NUP107: variants seen among roughly 807,000 people sequenced by gnomAD.
NUP107 encodes the protein nucleoporin 107, also known as nuclear pore complex protein Nup107.
In NUP107, 101 loss-of-function variants were observed where a neutral mutation model predicts 141.0. The ratio of observed to expected loss-of-function variants is 0.72; its 90% confidence interval spans 0.61 to 0.84. The LOEUF (loss-of-function observed/expected upper bound fraction) is 0.84, where lower values mean the gene tolerates loss of function less well. Among genes scored for constraint, NUP107 ranks in the 40% least tolerant of loss-of-function variants. The pLI, the probability that NUP107 is intolerant of heterozygous loss-of-function variation, is 0.00. For synonymous variants in NUP107, 319 were observed against 363.9 expected (o/e 0.88, Z 1.41); for missense variants, 941 against 1,102.7 (o/e 0.85, Z 2.08).
At chr12:68,706,130 G>T in intron 8 of NUP107, 1 of 767,088 alleles carries the variant, frequency 1.3e-6, no homozygotes. Flanking sequence ...GGTGGAACTT[G>T]ATAACATGCA....
intron 5 of NUP107, among the ~76,000 whole-genome samples, chr12:68,693,537 C>A (rs1030828902): frequency 9.8e-5 from 15 of 152,286 alleles, no homozygotes; most frequent in Non-Finnish European, 2.2e-4. Flanking sequence ...GCCTAGATGT[C>A]TGAGTTAAAG....
intron 14 of NUP107, among the ~76,000 whole-genome samples, chr12:68,720,424 A>G (rs1347688541): frequency 6.6e-6 from 1 of 152,180 alleles, no homozygotes; most frequent in Non-Finnish European, 1.5e-5. Flanking sequence ...TATACTTAAA[A>G]TTAGATGGAT....
chr12:68,704,901 G>A (rs903714755), intron 8 of NUP107, among the ~76,000 whole-genome samples: 2 of 151,570 alleles, frequency 1.3e-5, no homozygotes, highest in African/African-American at 4.9e-5. Flanking sequence ...CAGCACGGCG[G>A]GGACATGGTC....
chr12:68,725,620 C>G, intron 17 of NUP107, 107 bp from the exon 18 acceptor site: 1 of 625,230 alleles, frequency 1.6e-6, no homozygotes, highest in Non-Finnish European at 2.8e-6. Flanking sequence ...CCAGCTTTTT[C>G]TTTCTATATG....
chr12:68,727,370 T>C lies in NUP107; in HGVS notation c.1715T>C (p.Val572Ala). 6.6e-7 allele frequency: 1 copy of C among 1,513,186 alleles called. No homozygotes were observed. The highest frequency in any genetic ancestry group is 1.4e-5 in the African/African-American group (1 of 72,944). The allele number at this position is 1,513,186 out of a possible 1,614,324, so 93.7% of individuals were successfully genotyped here. ...ATGAAGGAGGAAGTTTCTATTGAAGTTTTAAAGACATACATACAGGTAAAC... is the reference window on the plus strand; with the variant it reads ...ATGAAGGAGGAAGTTTCTATTGAAGCTTTAAAGACATACATACAGGTAAAC... ...LQTKEEVSIE[V>A]LKTYIQLLIR... The change falls in exon 20 of 28, where the codon GTT becomes GCT. Residue 572 changes from valine to alanine, a missense_variant. Physicochemically the swap from Val to Ala is moderately conservative, Grantham distance 64 (BLOSUM62 0). Coordinates refer to ENST00000229179, the MANE Select transcript of NUP107 (RefSeq NM_020401.4).
chr12:68,705,566 G>A, intron 8 of NUP107: 6 of 242,778 alleles, frequency 2.5e-5, no homozygotes, highest in Admixed American at 4.8e-5. Flanking sequence ...TCACCAAGAA[G>A]CAGCTTCTCT....
At chr12:68,708,361 A>G (rs1429659777) in intron 8 of NUP107, among the ~76,000 whole-genome samples, 1 of 152,136 alleles carries the variant, frequency 6.6e-6, no homozygotes. Flanking sequence ...TTTCTCCTTT[A>G]ACCCATGGAT....
In NUP107 at chr12:68,711,941, T is replaced by A. The variant is rs114658056; in HGVS notation, c.891-1789T>A. Among the ~76,000 whole-genome samples the A allele has an allele frequency of 8.0e-3, 1,225 of 152,308 alleles. 14 individuals carry two copies. The highest frequency in any genetic ancestry group is 0.027 in the African/African-American group (1,141 of 41,556). On this transcript the variant is annotated intron_variant, in intron 10 of 27. Transcript: ENST00000229179. ...GCTTTTTTCTTAATAAGATTATTGA[T>A]CATATCAGAAGATGATCTTCTGATT...
chr12:68,734,941 TC>T, intron 25 of NUP107, 108 bp downstream of exon 25: 17 of 1,226,414 alleles, frequency 1.4e-5, no homozygotes, highest in Non-Finnish European at 1.9e-5. Flanking sequence ...TAACAGGTAA[TC>T]TCCCTGTTAA....
chr12:68,691,373 T>G (rs190533037), intron 4 of NUP107, among the ~76,000 whole-genome samples: 1 of 152,118 alleles, frequency 6.6e-6, no homozygotes, highest in Non-Finnish European at 1.5e-5. Flanking sequence ...GGTTAACAGA[T>G]GAAGAATATC....
chr12:68,722,551 C>A (rs1325014522), intron 17 of NUP107, among the ~76,000 whole-genome samples: 1 of 151,874 alleles, frequency 6.6e-6, no homozygotes, highest in Non-Finnish European at 1.5e-5. Flanking sequence ...ATAAATAAAA[C>A]CTTTATAGTA....
chr12:68,719,322 CTCTT>C lies in NUP107; in HGVS notation c.1084-14_1084-11del, dbSNP rs757032743. 29 of 1,601,330 alleles carry C rather than the reference CTCTT, an allele frequency of 1.8e-5. 1 individual carries two copies. In the South Asian group the frequency reaches 3.2e-4, roughly 18 times the overall value. On this transcript the variant is annotated splice_polypyrimidine_tract_variant and intron_variant, in intron 12 of 27. Coordinates refer to ENST00000229179, the MANE Select transcript of NUP107 (RefSeq NM_020401.4). Reference sequence around the variant, plus strand: ...AGCACCCTGGTTATTGGACTGACTGCTCTTTCTTGTTTTCTAAGGCACAACGACT... The same window carrying C: ...AGCACCCTGGTTATTGGACTGACTGCTCTTGTTTTCTAAGGCACAACGACT...
chr12:68,687,462 A>T, intron 1 of NUP107: 1 of 1,059,310 alleles, frequency 9.4e-7, no homozygotes, highest in Non-Finnish European at 1.1e-6. Context: ...TACAAGTGCC[A>T]GCATCAGATT....
At chr12:68,711,794 A>AT (rs1876871948) in intron 10 of NUP107, among the ~76,000 whole-genome samples, 1 of 152,234 alleles carries the variant, frequency 6.6e-6, no homozygotes, top group Non-Finnish European at 1.5e-5. Flanking sequence ...AGGAAGCCAG[A>AT]TATAGGGCTT....
chr12:68,744,719 G>A lies in NUP107; in HGVS notation c.*2257G>A, dbSNP rs1878454917. The A allele has an allele frequency of 6.6e-6, 1 of 152,190 alleles. No individual in the cohort carries two copies. The highest frequency in any genetic ancestry group is 2.4e-5 in the African/African-American group (1 of 41,440). 9.4% of individuals were successfully genotyped at this position (152,190 alleles called of 1,614,324 possible). A position where few individuals can be genotyped will look rare whatever the true frequency, so the allele number is the denominator to read the frequency against. Reference sequence around the variant, plus strand: ...CTTTGAGTCCTTAGGGAGTCAATGTGTGTGTTGCTGCTTATTTAAATACAG... The same window carrying A: ...CTTTGAGTCCTTAGGGAGTCAATGTATGTGTTGCTGCTTATTTAAATACAG... On this transcript the variant is annotated 3_prime_UTR_variant, in exon 28 of 28. Coordinates refer to ENST00000229179, the MANE Select transcript of NUP107 (RefSeq NM_020401.4).
At chr12:68,713,892 G>A (rs1431131862) in intron 11 of NUP107, 84 bp downstream of exon 11, 1 of 1,065,518 alleles carries the variant, frequency 9.4e-7, no homozygotes, top group Non-Finnish European at 1.4e-6. Context: ...GTGGATCTTT[G>A]TTTTGCTCTT....
intron 24 of NUP107, among the ~76,000 whole-genome samples, chr12:68,733,983 A>G (rs1008040273): frequency 1.3e-5 from 2 of 152,174 alleles, no homozygotes; most frequent in Non-Finnish European, 2.9e-5. Context: ...TTCAAAATTC[A>G]TTCAAGGCTA....
chr12:68,728,340 C>G (rs1392740437), intron 20 of NUP107, among the ~76,000 whole-genome samples: 1 of 150,448 alleles, frequency 6.6e-6, no homozygotes, highest in African/African-American at 2.4e-5. Flanking sequence ...GCCTGTAATC[C>G]CAGCACTTTG....
intron 12 of NUP107, among the ~76,000 whole-genome samples, chr12:68,718,499 GT>G (rs1163836884): frequency 6.6e-6 from 1 of 152,104 alleles, no homozygotes; most frequent in African/African-American, 2.4e-5. Context: ...ATTAGAGACT[GT>G]TTTTTTAATA....
Sources: gnomAD v4.1 joint callset for allele counts (sites outside exome capture counted in the v4.1 genomes callset) on GRCh38, gnomAD v4.1.1 for gene constraint, MANE v1.5 for transcripts, NCBI Gene and HGNC (gene_info 2026-07-23, HGNC 2026-07-21) for gene names.